Variants in ANGPTL1 observed in about 807,000 individuals in gnomAD.
The protein encoded by ANGPTL1 is angiopoietin-related protein 1.
ANGPTL1 carries 36 observed loss-of-function variants against 46.7 expected under a neutral mutation model. The ratio of observed to expected loss-of-function variants is 0.77; its 90% confidence interval spans 0.59 to 1.02. The LOEUF is 1.02. Among genes scored for constraint, ANGPTL1 ranks in the 50% least tolerant of loss-of-function variants. The probability of loss-of-function intolerance (pLI) is 0.00; values close to 1 mark genes in which losing one functional copy is unlikely to be tolerated. For synonymous variants in ANGPTL1, 221 were observed against 204.3 expected, an observed-to-expected ratio of 1.08 and a Z score of -0.69; for missense variants, 571 against 594.7, an observed-to-expected ratio of 0.96 and a Z score of 0.41.
intron 3 of ANGPTL1, among the ~76,000 whole-genome samples, chr1:178,862,136 G>C (rs571736434): frequency 6.6e-6 from 1 of 152,214 alleles, no homozygotes; most frequent in African/African-American, 2.4e-5. Context: ...GCCTCCGAAA[G>C]TGTTGAGATT....
chr1:178,852,644 G>T (rs1208145073), intron 5 of ANGPTL1, 39 bp downstream of exon 5: 4 of 1,578,432 alleles, frequency 2.5e-6, no homozygotes, highest in Middle Eastern at 1.7e-4. Flanking sequence ...TGCATAGAAG[G>T]TGATGATTCT....
intron 4 of ANGPTL1, 115 bp from the exon 5 acceptor site, chr1:178,853,068 T>C: frequency 1.4e-6 from 2 of 1,459,930 alleles, no homozygotes; most frequent in African/African-American, 2.8e-5. Flanking sequence ...TAAGTGGTAA[T>C]GTGAGCTTCC....
At chr1:178,851,411 T>C (rs1452681581) in intron 5 of ANGPTL1, 95 bp from the exon 6 acceptor site, 4 of 1,122,160 alleles carry the variant, frequency 3.6e-6, no homozygotes, top group Non-Finnish European at 4.8e-6. Context: ...AATTTGAACT[T>C]CCCTTACTAA....
At position 178,865,018 on chromosome 1, in the gene ANGPTL1, A is replaced by G; in HGVS notation, c.759T>C (p.Pro253=). The change falls in exon 3 of 6, where the codon CCT becomes CCC. Residue 253 remains proline (P), a synonymous_variant. Coordinates refer to ENST00000234816, the MANE Select transcript of ANGPTL1 (RefSeq NM_004673.4). ...TTTTGGTGGGAGAAGTTGCCAGATC[A>G]GGTGGTGGCATTAAATCTCTGGGAT... is the stretch of plus-strand genomic sequence containing the variant. The part of the protein sequence containing the change: ...PGYPRDLMPP[P]DLATSPTKSP... 6.8e-7 allele frequency: 1 copy of G among 1,481,066 alleles called. No homozygotes were observed. Among genetic ancestry groups the G allele is most frequent in the Non-Finnish European group, 9.0e-7 (1 of 1,115,952 alleles). 91.7% of individuals were successfully genotyped at this position (1,481,066 alleles called of 1,614,324 possible).
At chr1:178,867,894 C>T (rs982303789) in intron 2 of ANGPTL1, among the ~76,000 whole-genome samples, 1 of 152,016 alleles carries the variant, frequency 6.6e-6, no homozygotes, top group Admixed American at 6.6e-5. Context: ...CTTTCACTTT[C>T]TAAAACCATG....
chr1:178,853,277 G>C (rs1657302277), intron 4 of ANGPTL1: 14 of 932,042 alleles, frequency 1.5e-5, no homozygotes, highest in Non-Finnish European at 1.8e-5. Context: ...CCTTAAAAAG[G>C]GTTCCTGGTC....
chr1:178,856,202 GATATATATAT>G (rs55797277), intron 3 of ANGPTL1, among the ~76,000 whole-genome samples: 5,576 of 83,904 alleles, frequency 0.066, 202 homozygotes, highest in Non-Finnish European at 0.082. Context: ...GAGAGAGAGA[GATATATATAT>G]ATATATATAT....
At chr1:178,859,141 C>CTTTTTT (rs10623482) in intron 3 of ANGPTL1, among the ~76,000 whole-genome samples, 2 of 151,414 alleles carry the variant, frequency 1.3e-5, no homozygotes, top group Non-Finnish European at 2.9e-5. Context: ...GCAACCCAAA[C>CTTTTTT]TTTTAATTAT....
At position 178,853,687 on chromosome 1, in the gene ANGPTL1, C is replaced by A; in HGVS notation, c.924G>T (p.Trp308Cys). 6 of 1,613,214 alleles carry A rather than the reference C, an allele frequency of 3.7e-6. No homozygotes were observed. The highest frequency in any genetic ancestry group is 4.2e-6 in the Non-Finnish European group (5 of 1,179,540). ...PENSNGPMQL[W>C]CENSLDPGGW... is the part of the protein sequence containing the mutation. ...CCCCAGGGTCCAAACTGTTTTCACA[C>A]CATAACTGCATTGGTCCATTGCTGT... Residue 308 changes from tryptophan (W) to cysteine (C), a missense_variant, in exon 4 of 6, where the codon TGG becomes TGT. Coordinates refer to ENST00000234816, the MANE Select transcript of ANGPTL1 (RefSeq NM_004673.4).
chr1:178,865,414 C>G lies in ANGPTL1; in HGVS notation c.363G>C (p.Lys121Asn). The G allele has an allele frequency of 6.2e-7, 1 of 1,613,990 alleles. No individual in the cohort carries two copies. Among genetic ancestry groups the G allele is most frequent in the Non-Finnish European group, 8.5e-7 (1 of 1,179,974 alleles). ...CACGAGAGTTCATGTTACGGCTTTC[C>G]TTTCTCAGCAGCTTTACCTCATTCA... ...NIVNEVKLLR[K>N]ESRNMNSRVT... The change falls in exon 3 of 6, where the codon AAG becomes AAC. Residue 121 changes from lysine (K) to asparagine (N), a missense_variant. Coordinates refer to ENST00000234816, the MANE Select transcript of ANGPTL1 (RefSeq NM_004673.4).
intron 3 of ANGPTL1, among the ~76,000 whole-genome samples, chr1:178,857,443 G>A (rs1211215179): frequency 2.6e-5 from 4 of 152,102 alleles, no homozygotes; most frequent in Non-Finnish European, 4.4e-5. Context: ...CAAGTGGGGG[G>A]TGGGAGAAGT....
chr1:178,861,059 C>A (rs1657973596), intron 3 of ANGPTL1, among the ~76,000 whole-genome samples: 1 of 152,172 alleles, frequency 6.6e-6, no homozygotes, highest in South Asian at 2.1e-4. Flanking sequence ...CAGTCCAGCA[C>A]TCTCATTATA....
chr1:178,859,075 T>G (rs921903898), intron 3 of ANGPTL1, among the ~76,000 whole-genome samples: 2 of 152,176 alleles, frequency 1.3e-5, no homozygotes. Context: ...AGTAGGGTCT[T>G]TCTGTAATAA....
rs1427764933 is a variant in ANGPTL1 at position 178,853,622 on chromosome 1, T to C, written c.989A>G (p.Asn330Ser). 5 of 1,599,528 alleles carry C rather than the reference T, an allele frequency of 3.1e-6. No homozygotes were observed. The highest frequency in any genetic ancestry group is 4.3e-6 in the Non-Finnish European group (5 of 1,174,764). Residue 330 changes from asparagine (N) to serine (S), a missense_variant, in exon 4 of 6, where the codon AAC (asparagine) becomes AGC (serine). Transcript: ENST00000234816. Reference sequence around the variant, plus strand: ...ATAATTTTCCCAATTTCTGAAGAAGTTGACAGAGCCGTCTGTTCTTTTCTG... The same window carrying C: ...ATAATTTTCCCAATTTCTGAAGAAGCTGACAGAGCCGTCTGTTCTTTTCTG... ...VIQKRTDGSV[N>S]FFRNWENYKK... is the part of the protein sequence containing the mutation.
At position 178,854,448 on chromosome 1, in the gene ANGPTL1, A is replaced by C. The variant is rs1046612748; in HGVS notation, c.824-661T>G. On this transcript the variant is annotated intron_variant, in intron 3 of 5. Coordinates refer to ENST00000234816, the MANE Select transcript of ANGPTL1 (RefSeq NM_004673.4). ...ATGTACATTCACATATTAAAGACTGAAAAGCCCTGAAATAAACCAGATGCC... is the reference window on the plus strand; with the variant it reads ...ATGTACATTCACATATTAAAGACTGCAAAGCCCTGAAATAAACCAGATGCC... Among the ~76,000 whole-genome samples the C allele has an allele frequency of 3.9e-5, 6 of 152,176 alleles. 1 individual carries two copies. The highest frequency in any genetic ancestry group is 1.4e-4 in the African/African-American group (6 of 41,466).
Position 178,865,766 on chromosome 1 carries a change from A to G in ANGPTL1, c.11T>C (p.Phe4Ser), listed in dbSNP as rs144685672. The G allele has an allele frequency of 3.4e-4, 543 of 1,581,978 alleles. No individual in the cohort carries two copies. The highest frequency in any genetic ancestry group is 4.5e-4 in the Non-Finnish European group (520 of 1,168,404). Residue 4 changes from phenylalanine to serine, a missense_variant, in exon 3 of 6, where the codon TTT (phenylalanine) becomes TCT (serine). Physicochemically the swap from Phe to Ser is radical, Grantham distance 155. Transcript: ENST00000234816. The stretch of plus-strand genomic sequence containing the variant: ...GAATAGCACACCTAGGGTCCAGGTA[A>G]AAGTCTTCATTTTGAAATGAGGTTG... The part of the protein sequence containing the change: MKT[F>S]TWTLGVLFFL...
chr1:178,857,018 G>C (rs1229359866), intron 3 of ANGPTL1, among the ~76,000 whole-genome samples: 1 of 152,028 alleles, frequency 6.6e-6, no homozygotes, highest in African/African-American at 2.4e-5. Context: ...GTCACATATG[G>C]GCTACTTCAC....
At chr1:178,853,390 A>G (rs1657310650) in intron 4 of ANGPTL1, among the ~76,000 whole-genome samples, 1 of 152,318 alleles carries the variant, frequency 6.6e-6, no homozygotes, top group East Asian at 1.9e-4. Context: ...ATTTAAAAGT[A>G]TATCTTCTGT....
In ANGPTL1 at chr1:178,857,810, T is replaced by A. The variant is rs975169719; in HGVS notation, c.824-4023A>T. 4.1e-4 allele frequency among the ~76,000 whole-genome samples: 63 copies of A among 152,312 alleles called. 3 individuals carry two copies. The highest frequency in any genetic ancestry group is 1.3e-4 in the Admixed American group (2 of 15,300). ...TTAGGTTATTTGCTTTGCTGCAGAA[T>A]ATTTAGAAACATCAGTGTTCTGAAT... On this transcript the variant is annotated intron_variant, in intron 3 of 5. Transcript: ENST00000234816.
Sources: gnomAD v4.1 joint callset for allele counts (sites outside exome capture counted in the v4.1 genomes callset) on GRCh38, gnomAD v4.1.1 for gene constraint, MANE v1.5 for transcripts, NCBI Gene and HGNC (gene_info 2026-07-23, HGNC 2026-07-21) for gene names.